Variants in AKAP13 observed in about 807,000 individuals in gnomAD.
The protein encoded by AKAP13 is A-kinase anchoring protein 13.
Under a neutral mutation model 264.5 loss-of-function variants are expected in AKAP13, and 80 were observed. The ratio of observed to expected loss-of-function variants is 0.30; its 90% confidence interval spans 0.25 to 0.36. AKAP13 has a LOEUF of 0.36. Ranked by LOEUF, AKAP13 falls within the 10% of genes least tolerant of loss-of-function variation. The pLI is 1.00. For missense variants in AKAP13, 3,712 were observed against 3,435.2 expected (o/e 1.08, Z -2.01); for synonymous variants, 1,380 against 1,250.2 (o/e 1.10, Z -2.19).
At chr15:85,585,617 A>C in intron 7 of AKAP13, 85 bp from the exon 8 acceptor site, 1 of 1,574,016 alleles carries the variant, frequency 6.4e-7, no homozygotes, top group Non-Finnish European at 8.7e-7. Flanking sequence ...AACAAAACAC[A>C]TGAAACCTGG....
At position 85,533,709 on chromosome 15, in the gene AKAP13, C is replaced by A. The variant is rs773663074; in HGVS notation, c.307C>A (p.Leu103Ile). 6.8e-6 allele frequency: 11 copies of A among 1,614,096 alleles called. No individual in the cohort carries two copies. Among genetic ancestry groups the A allele is most frequent in the Non-Finnish European group, 8.5e-6 (10 of 1,180,050 alleles). Residue 103 changes from leucine (L) to isoleucine (I), a missense_variant, in exon 4 of 37, where the codon CTA becomes ATA. Around this residue, in one of 3 missense-constraint regions of AKAP13, gnomAD observed 2,759 missense variants for 2,411.7 expected, o/e 1.14. Coordinates refer to ENST00000394518, the MANE Select transcript of AKAP13 (RefSeq NM_007200.5). The part of the protein sequence containing the change: ...QDEAYDAAQF[L>I]ATSAGNQQAL... ...TGAAGCGTATGATGCAGCTCAATTC[C>A]TAGCAACCAGTGCTGGAAATCAGCA...
At chr15:85,511,933 A>G (rs1229461846) in intron 2 of AKAP13, among the ~76,000 whole-genome samples, 4 of 151,850 alleles carry the variant, frequency 2.6e-5, no homozygotes, top group Non-Finnish European at 4.4e-5. Context: ...CTTTGTCTCT[A>G]TTCTTTTTCC....
intron 10 of AKAP13, among the ~76,000 whole-genome samples, chr15:85,647,947 C>T (rs2082631059): frequency 6.6e-6 from 1 of 151,598 alleles, no homozygotes; most frequent in Non-Finnish European, 1.5e-5. Flanking sequence ...AAAAACAAAA[C>T]AAAAAAAACT....
chr15:85,639,340 A>T, intron 8 of AKAP13, 34 bp from the exon 9 acceptor site: 3 of 1,469,130 alleles, frequency 2.0e-6, no homozygotes, highest in Non-Finnish European at 2.8e-6. Context: ...CATTACTTCA[A>T]TGTCTGAAAC....
At position 85,662,475 on chromosome 15, in the gene AKAP13, C is replaced by T. The variant is rs187100833; in HGVS notation, c.4800-2088C>T. The T allele has an allele frequency of 6.9e-5, 112 of 1,613,802 alleles. No homozygotes were observed. In the East Asian group the frequency reaches 8.2e-4, roughly 12 times the overall value. On this transcript the variant is annotated intron_variant, in intron 12 of 36. Coordinates refer to ENST00000394518, the MANE Select transcript of AKAP13 (RefSeq NM_007200.5). Reference sequence around the variant, plus strand: ...GAAGGTATGATATTGTTATGTGTCCCGCCACCAAATGGGGAACCATAAAAT... The same window carrying T: ...GAAGGTATGATATTGTTATGTGTCCTGCCACCAAATGGGGAACCATAAAAT...
rs370468048 is a variant in AKAP13, at chr15:85,577,447, T to C, written c.862-1483T>C. Among the ~76,000 whole-genome samples, 28 of 152,340 alleles carry C rather than the reference T, an allele frequency of 1.8e-4. No individual in the cohort carries two copies. The East Asian group carries it at 4.8e-3, about 26-fold the overall frequency. On this transcript the variant is annotated intron_variant, in intron 6 of 36. Coordinates refer to ENST00000394518, the MANE Select transcript of AKAP13 (RefSeq NM_007200.5). ...AATCACTAAAGATCACCTGTATTTG[T>C]TTTTCTCCATTTTAAACCTTGCTGC... is the stretch of plus-strand genomic sequence containing the variant.
intron 2 of AKAP13, among the ~76,000 whole-genome samples, chr15:85,490,379 T>A (rs2075687778): frequency 6.6e-6 from 1 of 152,204 alleles, no homozygotes; most frequent in Non-Finnish European, 1.5e-5. Context: ...TAAAGTCACA[T>A]GGGTATCCTG....
At chr15:85,632,168 T>C (rs1412135425) in intron 8 of AKAP13, among the ~76,000 whole-genome samples, 1 of 152,220 alleles carries the variant, frequency 6.6e-6, no homozygotes, top group East Asian at 1.9e-4. Flanking sequence ...GCTGAAGTCA[T>C]GGCATTCTAG....
chr15:85,610,638 G>GA (rs1232234923), intron 8 of AKAP13, among the ~76,000 whole-genome samples: 8 of 152,096 alleles, frequency 5.3e-5, no homozygotes, highest in Non-Finnish European at 7.4e-5. Context: ...TTCTCTAAAG[G>GA]AAAAAAATGT....
intron 1 of AKAP13, among the ~76,000 whole-genome samples, chr15:85,453,115 A>G (rs2074150825): frequency 6.6e-6 from 1 of 152,086 alleles, no homozygotes; most frequent in Non-Finnish European, 1.5e-5. Context: ...CCTTGAGTTT[A>G]CTGCAGCTTG....
rs1341843908 is a variant in AKAP13, at chr15:85,465,475, A to G, written c.-11-20235A>G. Among the ~76,000 whole-genome samples the G allele has an allele frequency of 7.0e-5, 10 of 143,158 alleles. No homozygotes were observed. In the East Asian group the frequency reaches 2.0e-3, roughly 28 times the overall value. The allele number at this position is 143,158 out of a possible 152,430, so 93.9% of individuals were successfully genotyped here. On this transcript the variant is annotated intron_variant, in intron 1 of 36. Transcript: ENST00000394518. ...ATTAACTCGTCATTTAGCATTAGGT[A>G]TATCTCCTAATGCTATCCCTCCCCC...
intron 6 of AKAP13, chr15:85,577,923 C>A: frequency 1.4e-6 from 1 of 713,702 alleles, no homozygotes; most frequent in Non-Finnish European, 1.7e-6. Flanking sequence ...TGGAAAAGAG[C>A]TAGGATTTGT....
At chr15:85,633,553 T>C (rs2081948963) in intron 8 of AKAP13, among the ~76,000 whole-genome samples, 2 of 140,580 alleles carry the variant, frequency 1.4e-5, no homozygotes, top group African/African-American at 5.3e-5. Flanking sequence ...TTTTTTTTTT[T>C]TTTTTTTTGA....
chr15:85,482,149 A>G (rs1406410138), intron 1 of AKAP13, among the ~76,000 whole-genome samples: 3 of 152,192 alleles, frequency 2.0e-5, no homozygotes, highest in Admixed American at 2.0e-4. Flanking sequence ...TTGCATCAGA[A>G]CCCTGAGTTC....
intron 23 of AKAP13, among the ~76,000 whole-genome samples, chr15:85,721,628 A>G (rs918703851): frequency 5.9e-5 from 9 of 152,228 alleles, no homozygotes; most frequent in African/African-American, 1.7e-4. Context: ...AGATTGTCTC[A>G]TGAAAAACTC....
rs1052699991 is a variant in AKAP13, at chr15:85,741,454, G to C, written c.8017G>C (p.Glu2673Gln). The part of the protein sequence containing the change: ...REQEQLRREA[E>Q]RLSQRQTERD... ...ACAGGAGCAGCTGCGCCGGGAGGCA[G>C]AGCGGCTCAGCCAGCGGCAGACAGA... The change falls in exon 35 of 37, where the codon GAG (glutamate) becomes CAG (glutamine). Residue 2673 changes from glutamate to glutamine, a missense_variant. Around this residue, in one of 3 missense-constraint regions of AKAP13, gnomAD observed 611 missense variants for 539.3 expected, o/e 1.13. Transcript: ENST00000394518. The C allele has an allele frequency of 1.2e-6, 2 of 1,606,926 alleles. No homozygotes were observed. Among genetic ancestry groups the C allele is most frequent in the South Asian group, 1.1e-5 (1 of 90,844 alleles).
At position 85,592,046 on chromosome 15, in the gene AKAP13, CTTTTTT is replaced by C. The variant is rs386383662; in HGVS notation, c.4161+6239_4161+6244del. Among the ~76,000 whole-genome samples the C allele has an allele frequency of 4.7e-5, 5 of 105,276 alleles. No individual in the cohort carries two copies. The South Asian group carries it at 1.1e-3, about 22-fold the overall frequency. The allele number at this position is 105,276 out of a possible 152,430, so 69.1% of individuals were successfully genotyped here. A position where few individuals can be genotyped will look rare whatever the true frequency, so the allele number is the denominator to read the frequency against. Reference sequence around the variant, plus strand: ...AAGCATTTAAAATCAGAACCATGATCTTTTTTTTTTTTTTTTTTTTTGGCAATTATA... The same window carrying C: ...AAGCATTTAAAATCAGAACCATGATCTTTTTTTTTTTTTTTGGCAATTATA... On this transcript the variant is annotated intron_variant, in intron 8 of 36. Coordinates refer to ENST00000394518, the MANE Select transcript of AKAP13 (RefSeq NM_007200.5).
intron 1 of AKAP13, among the ~76,000 whole-genome samples, chr15:85,439,315 A>T (rs1483372519): frequency 6.8e-6 from 1 of 147,776 alleles, no homozygotes; most frequent in Non-Finnish European, 1.5e-5. Flanking sequence ...AAAAGTCAGG[A>T]AACAACAGGT....
rs955896639 is a variant in AKAP13, at chr15:85,439,265, A to T, written c.-11-46445A>T. Among the ~76,000 whole-genome samples, 3 of 143,916 alleles carry T rather than the reference A, an allele frequency of 2.1e-5. No homozygotes were observed. The South Asian group carries it at 6.7e-4, about 32-fold the overall frequency. 94.4% of individuals were successfully genotyped at this position (143,916 alleles called of 152,430 possible). On this transcript the variant is annotated intron_variant, in intron 1 of 36. Transcript: ENST00000394518. ...CAGAGAAATGCAAATCAAAACCACA[A>T]TGAGATACCATCTCACACCAGTTAG...
Sources: allele counts gnomAD v4.1 joint callset (sites outside exome capture counted in the v4.1 genomes callset), GRCh38; gene constraint gnomAD v4.1.1; regional missense constraint gnomAD v4.1.1; transcripts MANE v1.5; gene names NCBI Gene and HGNC (gene_info 2026-07-23, HGNC 2026-07-21).